GSDMC: variants seen among roughly 807,000 people sequenced by gnomAD.
GSDMC encodes gasdermin-C.
In GSDMC, 59 loss-of-function variants were observed where a neutral mutation model predicts 58.0. The observed-to-expected ratio is 1.02, with a 90% CI of 0.82 to 1.26. The LOEUF is 1.26. Ranked by LOEUF, GSDMC falls within the 50% of genes most tolerant of loss-of-function variation. The pLI is 0.00. For missense variants in GSDMC, 659 were observed against 598.5 expected, an observed-to-expected ratio of 1.10 and a Z score of -1.06; for synonymous variants, 241 against 220.2, an observed-to-expected ratio of 1.09 and a Z score of -0.83.
the GSDMC span, among the ~76,000 whole-genome samples, chr8:129,729,459 C>G: frequency 1.5e-4 from 23 of 152,114 alleles, no homozygotes; most frequent in Admixed American, 3.3e-4. Context: ...TTCCCTCCCC[C>G]CTTCTCCCAC....
chr8:129,719,020 C>T, the GSDMC span, among the ~76,000 whole-genome samples: 1 of 152,014 alleles, frequency 6.6e-6, no homozygotes, highest in African/African-American at 2.4e-5. Flanking sequence ...GTATCACACA[C>T]CGGGGCCTGT....
chr8:129,716,394 T>G, the GSDMC span, among the ~76,000 whole-genome samples: 4 of 152,230 alleles, frequency 2.6e-5, no homozygotes, highest in African/African-American at 9.6e-5. Flanking sequence ...GAATGGGAGT[T>G]CACTCATGAT....
At chr8:129,752,904 G>C (rs1404092437) in intron 6 of GSDMC, 84 bp from the exon 7 acceptor site, 1 of 1,592,944 alleles carries the variant, frequency 6.3e-7, no homozygotes, top group Non-Finnish European at 8.6e-7. Context: ...GCAGAGCCAG[G>C]CTGGGCTCAA....
chr8:129,722,125 T>G, the GSDMC span, among the ~76,000 whole-genome samples: 1 of 152,232 alleles, frequency 6.6e-6, no homozygotes, highest in African/African-American at 2.4e-5. Context: ...GTCACTCTAT[T>G]CCCTGTTTGC....
the GSDMC span, among the ~76,000 whole-genome samples, chr8:129,734,301 C>T: frequency 0.28 from 42,329 of 151,994 alleles, 6,033 homozygotes; most frequent in South Asian, 0.35. Flanking sequence ...CAGGCCAACA[C>T]TGAAATTCGG....
downstream of GSDMC, among the ~76,000 whole-genome samples, chr8:129,745,036 G>A (rs574526529): frequency 6.6e-6 from 1 of 152,270 alleles, no homozygotes; most frequent in African/African-American, 2.4e-5. Context: ...TGCCTACCCT[G>A]ACTGTCTCTC....
downstream of GSDMC, among the ~76,000 whole-genome samples, chr8:129,745,137 G>T (rs369849992): frequency 1.3e-4 from 20 of 152,260 alleles, no homozygotes; most frequent in South Asian, 3.1e-3. Context: ...AGTTATCAAT[G>T]ACCTCAATGT....
At chr8:129,758,196 A>G (rs902019346) in intron 6 of GSDMC, among the ~76,000 whole-genome samples, 1 of 152,234 alleles carries the variant, frequency 6.6e-6, no homozygotes, top group African/African-American at 2.4e-5. Flanking sequence ...TTTAAAAACC[A>G]GGTATAGAAG....
chr8:129,757,386 T>C (rs1289271670), intron 6 of GSDMC, among the ~76,000 whole-genome samples: 2 of 151,788 alleles, frequency 1.3e-5, no homozygotes, highest in African/African-American at 4.8e-5. Flanking sequence ...CAGTAATGAG[T>C]AATGAGATAG....
the GSDMC span, among the ~76,000 whole-genome samples, chr8:129,726,640 G>T: frequency 6.6e-6 from 1 of 152,220 alleles, no homozygotes; most frequent in Non-Finnish European, 1.5e-5. Flanking sequence ...ATTGAAACTA[G>T]AATTCAATAC....
intron 7 of GSDMC, among the ~76,000 whole-genome samples, chr8:129,752,454 A>T (rs1177610387): frequency 6.6e-6 from 1 of 152,010 alleles, no homozygotes; most frequent in Non-Finnish European, 1.5e-5. Flanking sequence ...TGACTGGGGG[A>T]ATGTTCTCTG....
intron 5 of GSDMC, among the ~76,000 whole-genome samples, chr8:129,761,874 T>C (rs1264362690): frequency 6.6e-6 from 1 of 152,174 alleles, no homozygotes; most frequent in African/African-American, 2.4e-5. Flanking sequence ...ATCAGGACAC[T>C]CCCGTGACCA....
intron 3 of GSDMC, among the ~76,000 whole-genome samples, chr8:129,770,043 A>G (rs1423080822): frequency 6.6e-6 from 1 of 152,264 alleles, no homozygotes; most frequent in Non-Finnish European, 1.5e-5. Context: ...CAACTCTGGT[A>G]TAAAAATGTT....
At chr8:129,712,497 C>G in the GSDMC span, among the ~76,000 whole-genome samples, 2 of 152,194 alleles carry the variant, frequency 1.3e-5, no homozygotes, top group Middle Eastern at 3.4e-3. Context: ...AGCAAGAAAA[C>G]AGGGGCAAGT....
the GSDMC span, among the ~76,000 whole-genome samples, chr8:129,711,245 A>G: frequency 3.0e-4 from 46 of 152,232 alleles, no homozygotes; most frequent in Non-Finnish European, 5.9e-4. Flanking sequence ...AAATGAGAAA[A>G]CTGAAGTTAA....
At chr8:129,760,441 C>T (rs2033613273) in intron 6 of GSDMC, 104 bp downstream of exon 6, 3 of 618,050 alleles carry the variant, frequency 4.9e-6, no homozygotes, top group Middle Eastern at 6.6e-4. Context: ...GATTATTACA[C>T]ATTGCATGCC....
At chr8:129,726,999 T>C in the GSDMC span, among the ~76,000 whole-genome samples, 6 of 93,014 alleles carry the variant, frequency 6.5e-5, no homozygotes, top group South Asian at 3.2e-4. Context: ...CCAATACACA[T>C]ACACACACAC....
At chr8:129,750,261 T>G in intron 11 of GSDMC, 142 bp from the exon 12 acceptor site, 1 of 998,562 alleles carries the variant, frequency 1.0e-6, no homozygotes, top group Non-Finnish European at 1.4e-6. Flanking sequence ...GCCTCAGTAG[T>G]GGGGGCGACA....
intron 5 of GSDMC, among the ~76,000 whole-genome samples, chr8:129,761,997 AG>A (rs1197536498): frequency 6.6e-6 from 1 of 152,180 alleles, no homozygotes; most frequent in Non-Finnish European, 1.5e-5. Flanking sequence ...GCATTTGGGA[AG>A]GGAGAAAACA....
Sources: allele counts gnomAD v4.1 joint callset (sites outside exome capture counted in the v4.1 genomes callset), GRCh38; gene constraint gnomAD v4.1.1; transcripts MANE v1.5; gene names NCBI Gene and HGNC (gene_info 2026-07-23, HGNC 2026-07-21).